The following GNB1L variants were observed in gnomAD, a reference collection of about 807,000 sequenced individuals.
GNB1L encodes guanine nucleotide-binding protein subunit beta-like protein 1.
In GNB1L, 20 loss-of-function variants were observed where a neutral mutation model predicts 29.1. The ratio of observed to expected loss-of-function variants is 0.69; its 90% CI spans 0.48 to 1.00. The LOEUF (loss-of-function observed/expected upper bound fraction) is 1.00. Ranked by LOEUF, GNB1L falls within the 50% of genes least tolerant of loss-of-function variation. The pLI is 0.00. For synonymous variants in GNB1L, 193 were observed against 206.5 expected (o/e 0.93, Z 0.56); for missense variants, 421 against 464.9 (o/e 0.91, Z 0.87).
chr22:19,825,772 T>A (rs1032354185), intron 2 of GNB1L, among the ~76,000 whole-genome samples: 11 of 151,410 alleles, frequency 7.3e-5, no homozygotes, highest in African/African-American at 2.2e-4. Flanking sequence ...CAGGGCAACA[T>A]AGTCAGACCC....
chr22:19,815,869 C>A (rs1238433812), intron 4 of GNB1L, among the ~76,000 whole-genome samples: 1 of 152,276 alleles, frequency 6.6e-6, no homozygotes, highest in East Asian at 1.9e-4. Flanking sequence ...CCACTGTGCC[C>A]AGCTTAACTT....
chr22:19,852,266 G>T (rs1601359490), intron 2 of GNB1L: 2 of 1,594,486 alleles, frequency 1.3e-6, no homozygotes, highest in African/African-American at 2.7e-5. Flanking sequence ...AGGCATGCTG[G>T]GAGCACAGGG....
intron 5 of GNB1L, among the ~76,000 whole-genome samples, chr22:19,811,458 G>A (rs1937499723): frequency 6.6e-6 from 1 of 152,058 alleles, no homozygotes; most frequent in African/African-American, 2.4e-5. Context: ...GCCACTCAAA[G>A]GCTCTTCTCT....
chr22:19,790,923 T>C lies in GNB1L; in HGVS notation c.733-1963A>G, dbSNP rs995760019. Among the ~76,000 whole-genome samples the C allele has an allele frequency of 2.0e-5, 3 of 152,080 alleles. No individual in the cohort carries two copies. The East Asian group carries it at 5.8e-4, about 29-fold the overall frequency. Reference sequence around the variant, plus strand: ...AGGGCCAAAGCATTAGGTAAGATTATATAAAAGACTTAACAATGATAAAGA... The same window carrying C: ...AGGGCCAAAGCATTAGGTAAGATTACATAAAAGACTTAACAATGATAAAGA... On this transcript the variant is annotated intron_variant, in intron 7 of 7. Transcript: ENST00000329517.
chr22:19,847,130 T>C, intron 2 of GNB1L: 1 of 985,456 alleles, frequency 1.0e-6, no homozygotes, highest in East Asian at 1.1e-4. Flanking sequence ...ACATTACTTG[T>C]GGCCTGCTGT....
chr22:19,811,096 A>G (rs570205637), intron 5 of GNB1L, among the ~76,000 whole-genome samples: 1 of 152,368 alleles, frequency 6.6e-6, no homozygotes, highest in South Asian at 2.1e-4. Flanking sequence ...TCTTTCTCAC[A>G]TAAATACAAC....
chr22:19,832,131 A>G (rs907146670), intron 2 of GNB1L, among the ~76,000 whole-genome samples: 1 of 151,822 alleles, frequency 6.6e-6, no homozygotes, highest in Non-Finnish European at 1.5e-5. Context: ...GGAGTTCAAG[A>G]CCAGCCTGGG....
chr22:19,810,894 G>C (rs1003330051), intron 5 of GNB1L, among the ~76,000 whole-genome samples: 3 of 152,240 alleles, frequency 2.0e-5, no homozygotes, highest in African/African-American at 7.2e-5. Context: ...GCTAGGAGGA[G>C]GGTTAGACAG....
chr22:19,825,921 G>A (rs921730444), intron 2 of GNB1L, among the ~76,000 whole-genome samples: 2 of 152,130 alleles, frequency 1.3e-5, no homozygotes, highest in African/African-American at 2.4e-5. Context: ...TCACACCACG[G>A]CACTCCAGCC....
chr22:19,839,858 CA>C (rs1937827728), intron 2 of GNB1L, among the ~76,000 whole-genome samples: 1 of 151,714 alleles, frequency 6.6e-6, no homozygotes, highest in African/African-American at 2.4e-5. Context: ...CCAGCCTGGG[CA>C]ACAGAGACTC....
intron 5 of GNB1L, among the ~76,000 whole-genome samples, 162 bp from the exon 6 acceptor site, chr22:19,806,919 G>T (rs1440588103): frequency 2.0e-5 from 3 of 152,214 alleles, no homozygotes; most frequent in Non-Finnish European, 2.9e-5. Flanking sequence ...GGCTGCATGG[G>T]CCCTTGCAAA....
At chr22:19,820,568 A>G (rs1375083003) in intron 4 of GNB1L, 30 bp downstream of exon 4, 2 of 1,600,190 alleles carry the variant, frequency 1.2e-6, no homozygotes, top group African/African-American at 2.7e-5. Flanking sequence ...CCCGAAGGCC[A>G]TACCTGGCTC....
At chr22:19,801,354 C>T (rs1299687275) in intron 7 of GNB1L, among the ~76,000 whole-genome samples, 4 of 152,190 alleles carry the variant, frequency 2.6e-5, no homozygotes, top group Non-Finnish European at 4.4e-5. Flanking sequence ...GAGACCTGGA[C>T]AGGAGACTCC....
chr22:19,833,857 C>A (rs1322201471), intron 2 of GNB1L, among the ~76,000 whole-genome samples: 1 of 151,234 alleles, frequency 6.6e-6, no homozygotes, highest in Non-Finnish European at 1.5e-5. Context: ...CAAAGTGAGA[C>A]TCCGTCTCAA....
chr22:19,851,791 G>A, intron 2 of GNB1L: 11 of 1,613,972 alleles, frequency 6.8e-6, no homozygotes, highest in Non-Finnish European at 9.3e-6. Flanking sequence ...CCCCATCAAG[G>A]TAGGGGGCTG....
Position 19,850,813 on chromosome 22 carries a change from G to C in GNB1L, c.-21+3630C>G, listed in dbSNP as rs140361322. ...GCCAGTGTGGAAGACACCAAGGGGG[G>C]TGTTTTATGGGGGTGGAGGTGACAA... is the stretch of plus-strand genomic sequence containing the variant. On this transcript the variant is annotated intron_variant, in intron 2 of 7. Coordinates refer to ENST00000329517, the MANE Select transcript of GNB1L (RefSeq NM_053004.3). The C allele has an allele frequency of 7.0e-4, 905 of 1,294,224 alleles. 5 individuals carry two copies. In the African/African-American group the frequency reaches 0.012, roughly 18 times the overall value. The allele number at this position is 1,294,224 out of a possible 1,614,324, so 80.2% of individuals were successfully genotyped here. A position where few individuals can be genotyped will look rare whatever the true frequency, so the allele number is the denominator to read the frequency against.
intron 2 of GNB1L, chr22:19,849,196 T>A (rs1938034849): frequency 1.0e-6 from 1 of 985,308 alleles, no homozygotes; most frequent in African/African-American, 1.7e-5. Context: ...ACCTGCTTTC[T>A]AAAAATAGCT....
intron 7 of GNB1L, among the ~76,000 whole-genome samples, chr22:19,798,071 C>T (rs1937327717): frequency 6.6e-6 from 1 of 152,198 alleles, no homozygotes; most frequent in Non-Finnish European, 1.5e-5. Flanking sequence ...GAGCACCCGG[C>T]CTTGGCGCTG....
intron 2 of GNB1L, chr22:19,849,851 C>A (rs1426244815): frequency 3.0e-6 from 3 of 985,354 alleles, no homozygotes; most frequent in South Asian, 4.7e-5. Context: ...TGGGCACACA[C>A]TGCACACACT....
Sources: gnomAD v4.1 joint callset for allele counts (sites outside exome capture counted in the v4.1 genomes callset) on GRCh38, gnomAD v4.1.1 for gene constraint, MANE v1.5 for transcripts, NCBI Gene and HGNC (gene_info 2026-07-23, HGNC 2026-07-21) for gene names.